Variants in GPC6 observed in about 807,000 individuals in gnomAD.
GPC6 encodes glypican 6, also known as glypican-6.
Under a neutral mutation model 55.2 loss-of-function variants are expected in GPC6, and 14 were observed. The observed-to-expected ratio is 0.25, with a 90% confidence interval of 0.17 to 0.40. GPC6 has a LOEUF of 0.40. GPC6 is among the 10% of genes least tolerant of loss of function. The pLI is 1.00. For synonymous variants in GPC6, 278 were observed against 259.6 expected, an observed-to-expected ratio of 1.07 and a Z score of -0.68; for missense variants, 641 against 708.5, an observed-to-expected ratio of 0.90 and a Z score of 1.08.
intron 1 of GPC6, among the ~76,000 whole-genome samples, chr13:93,441,017 C>T (rs1877776720): frequency 6.6e-6 from 1 of 152,162 alleles, no homozygotes; most frequent in South Asian, 2.1e-4. Context: ...CTACAAAGGA[C>T]ATGAACTCAT....
At chr13:93,238,674 A>G (rs1876323800) in intron 1 of GPC6, among the ~76,000 whole-genome samples, 1 of 145,650 alleles carries the variant, frequency 6.9e-6, no homozygotes. Context: ...AAATGTTCTT[A>G]TGGGGGGATG....
chr13:93,787,336 A>G (rs1388519000), intron 2 of GPC6, among the ~76,000 whole-genome samples: 1 of 152,202 alleles, frequency 6.6e-6, no homozygotes, highest in African/African-American at 2.4e-5. Context: ...ATGACTATTC[A>G]GCTCTGCCAT....
At chr13:94,071,697 G>A (rs143416466) in intron 4 of GPC6, among the ~76,000 whole-genome samples, 1 of 152,224 alleles carries the variant, frequency 6.6e-6, no homozygotes, top group East Asian at 1.9e-4. Context: ...AGTGCTTCTG[G>A]TTCAGAAAAG....
At chr13:93,509,687 T>C (rs1447244222) in intron 1 of GPC6, among the ~76,000 whole-genome samples, 1 of 152,250 alleles carries the variant, frequency 6.6e-6, no homozygotes, top group African/African-American at 2.4e-5. Context: ...CCACAGGCTC[T>C]TTGAAGTATG....
chr13:94,344,003 T>G (rs1465643414), intron 6 of GPC6, among the ~76,000 whole-genome samples: 3 of 152,184 alleles, frequency 2.0e-5, no homozygotes, highest in Non-Finnish European at 4.4e-5. Flanking sequence ...AGTTTTGGGA[T>G]TACAGGTGTG....
At position 93,997,228 on chromosome 13, in the gene GPC6, A is replaced by G. The variant is rs116659632; in HGVS notation, c.712-30501A>G. Among the ~76,000 whole-genome samples, 113 of 152,334 alleles carry G rather than the reference A, an allele frequency of 7.4e-4. 1 individual carries two copies. Among genetic ancestry groups the G allele is most frequent in the African/African-American group, 2.4e-3 (100 of 41,594 alleles). On this transcript the variant is annotated intron_variant, in intron 3 of 8. Coordinates refer to ENST00000377047, the MANE Select transcript of GPC6 (RefSeq NM_005708.5). ...ATGTTTTTATTGGCTCTTAAATGCCATAGGAGACATCACTTTGAGCTACAT... is the reference window on the plus strand; with the variant it reads ...ATGTTTTTATTGGCTCTTAAATGCCGTAGGAGACATCACTTTGAGCTACAT...
chr13:93,999,066 C>T (rs9516329), intron 3 of GPC6, among the ~76,000 whole-genome samples: 19,545 of 152,096 alleles, frequency 0.13, 1,494 homozygotes, highest in East Asian at 0.27. Context: ...TTCTGGGGTA[C>T]ATGTGCAGAA....
chr13:93,586,257 C>T (rs2139498493), intron 2 of GPC6, among the ~76,000 whole-genome samples: 1 of 152,274 alleles, frequency 6.6e-6, no homozygotes, highest in Middle Eastern at 3.4e-3. Context: ...ATAATGGCCT[C>T]CAGCTCCATC....
intron 1 of GPC6, among the ~76,000 whole-genome samples, chr13:93,326,526 G>A (rs750196989): frequency 1.4e-4 from 21 of 152,126 alleles, no homozygotes; most frequent in Admixed American, 2.6e-4. Context: ...GAGTAGAACC[G>A]TTTACAGATT....
intron 2 of GPC6, among the ~76,000 whole-genome samples, chr13:93,568,769 C>T (rs935329166): frequency 3.3e-5 from 5 of 152,190 alleles, no homozygotes; most frequent in Non-Finnish European, 7.3e-5. Flanking sequence ...CCAGTTTAAT[C>T]ATATACTACG....
intron 4 of GPC6, among the ~76,000 whole-genome samples, chr13:94,112,864 A>G (rs758460072): frequency 6.6e-6 from 1 of 151,992 alleles, no homozygotes; most frequent in African/African-American, 2.4e-5. Context: ...AACTACTGCT[A>G]CCTAATACCT....
chr13:94,201,156 G>A (rs755513659), intron 4 of GPC6, among the ~76,000 whole-genome samples: 1 of 152,196 alleles, frequency 6.6e-6, no homozygotes, highest in Admixed American at 6.5e-5. Context: ...TTTGGGTTTT[G>A]CTATCAGATG....
chr13:94,067,478 GTCTCTCTCTC>G (rs5805845), intron 4 of GPC6, among the ~76,000 whole-genome samples: 1 of 144,740 alleles, frequency 6.9e-6, no homozygotes, highest in South Asian at 2.5e-4. Flanking sequence ...CTGTCTGTCT[GTCTCTCTCTC>G]TCTCTCTCTC....
chr13:94,199,367 A>C (rs1298570171), intron 4 of GPC6, among the ~76,000 whole-genome samples: 6 of 152,196 alleles, frequency 3.9e-5, no homozygotes. Flanking sequence ...GGATCTCTAC[A>C]TCCTGGAATT....
intron 1 of GPC6, among the ~76,000 whole-genome samples, chr13:93,293,258 A>C (rs770080842): frequency 6.6e-6 from 1 of 152,134 alleles, no homozygotes; most frequent in Non-Finnish European, 1.5e-5. Context: ...AAAACAATTA[A>C]AAATTATGCC....
intron 1 of GPC6, among the ~76,000 whole-genome samples, chr13:93,253,224 G>A (rs193186183): frequency 6.6e-6 from 1 of 152,272 alleles, no homozygotes; most frequent in East Asian, 1.9e-4. Context: ...TGATATAGAG[G>A]AAATTTAGTT....
intron 3 of GPC6, among the ~76,000 whole-genome samples, chr13:93,871,231 T>G (rs2140301635): frequency 6.6e-6 from 1 of 152,070 alleles, no homozygotes; most frequent in Non-Finnish European, 1.5e-5. Context: ...GCAAGTTATT[T>G]AAATACTCAG....
At chr13:93,571,254 C>T (rs775687401) in intron 2 of GPC6, among the ~76,000 whole-genome samples, 2 of 152,100 alleles carry the variant, frequency 1.3e-5, no homozygotes, top group Non-Finnish European at 2.9e-5. Context: ...TACATGTACA[C>T]GTGTGCACAT....
intron 1 of GPC6, among the ~76,000 whole-genome samples, chr13:93,374,867 T>A (rs1302397561): frequency 6.6e-6 from 1 of 152,206 alleles, no homozygotes; most frequent in Non-Finnish European, 1.5e-5. Flanking sequence ...AGTCTTCTCA[T>A]AAATATAACA....
Sources: gnomAD v4.1 joint callset for allele counts (sites outside exome capture counted in the v4.1 genomes callset) on GRCh38, gnomAD v4.1.1 for gene constraint, MANE v1.5 for transcripts, NCBI Gene and HGNC (gene_info 2026-07-23, HGNC 2026-07-21) for gene names.